The following CSMD1 variants were observed in gnomAD, a reference collection of about 807,000 sequenced individuals.
The protein encoded by CSMD1 is CUB and Sushi multiple domains 1, also known as CUB and sushi domain-containing protein 1.
CSMD1 carries 213 observed loss-of-function variants against 417.5 expected under a neutral mutation model. The ratio of observed to expected loss-of-function variants is 0.51; its 90% CI spans 0.46 to 0.57. CSMD1 has a LOEUF of 0.57. Ranked by LOEUF, CSMD1 falls within the 20% of genes least tolerant of loss-of-function variation. The pLI, the probability that CSMD1 is intolerant of heterozygous loss-of-function variation, is 0.00. For synonymous variants in CSMD1, 2,862 were observed against 1,736.8 expected, an observed-to-expected ratio of 1.65 and a Z score of -16.11; for missense variants, 6,923 against 4,529.7, an observed-to-expected ratio of 1.53 and a Z score of -15.17.
chr8:3,583,298 G>A (rs1213880132), intron 9 of CSMD1, among the ~76,000 whole-genome samples: 1 of 151,842 alleles, frequency 6.6e-6, no homozygotes, highest in Non-Finnish European at 1.5e-5. Context: ...AAGCAAATGT[G>A]GGCACAGCTT....
At chr8:2,999,810 C>A in intron 53 of CSMD1, 148 bp downstream of exon 53, 1 of 611,126 alleles carries the variant, frequency 1.6e-6, no homozygotes, top group Non-Finnish European at 2.7e-6. Flanking sequence ...GGCACCTCTC[C>A]TGTTCTCTTT....
intron 25 of CSMD1, among the ~76,000 whole-genome samples, chr8:3,306,777 C>A (rs1391003356): frequency 6.6e-6 from 1 of 152,080 alleles, no homozygotes; most frequent in East Asian, 1.9e-4. Context: ...TACCTTTTGC[C>A]TTATGTGCTA....
chr8:3,013,820 C>T (rs1488565027), intron 52 of CSMD1, among the ~76,000 whole-genome samples: 1 of 151,860 alleles, frequency 6.6e-6, no homozygotes, highest in Non-Finnish European at 1.5e-5. Context: ...AAATGCATAG[C>T]AATTCCTCAA....
chr8:3,761,003 G>C (rs563151859), intron 5 of CSMD1, among the ~76,000 whole-genome samples: 5 of 151,652 alleles, frequency 3.3e-5, no homozygotes, highest in African/African-American at 7.3e-5. Context: ...CAAATGATTT[G>C]TACTGTGGTG....
At chr8:3,722,766 C>G (rs749331994) in intron 6 of CSMD1, among the ~76,000 whole-genome samples, 30 of 152,278 alleles carry the variant, frequency 2.0e-4, no homozygotes, top group Non-Finnish European at 4.0e-4. Flanking sequence ...TAATGCTAGT[C>G]GTTAGCAGAA....
intron 5 of CSMD1, among the ~76,000 whole-genome samples, chr8:3,908,035 G>A (rs974265448): frequency 3.9e-5 from 6 of 152,176 alleles, no homozygotes; most frequent in African/African-American, 2.4e-5. Context: ...GGACTCCATA[G>A]GTATTTGACC....
intron 2 of CSMD1, among the ~76,000 whole-genome samples, chr8:4,538,346 C>CT (rs907367683): frequency 8.0e-5 from 12 of 150,040 alleles, no homozygotes; most frequent in Non-Finnish European, 1.0e-4. Context: ...TCAGGTCTAA[C>CT]TTTTTTTTTT....
chr8:3,439,487 G>A (rs920662307), intron 12 of CSMD1, among the ~76,000 whole-genome samples: 2 of 100,132 alleles, frequency 2.0e-5, no homozygotes, highest in Non-Finnish European at 2.0e-5. Flanking sequence ...GACTCTGTGT[G>A]TGTATCTGTG....
intron 5 of CSMD1, among the ~76,000 whole-genome samples, chr8:3,772,234 T>C (rs1395611165): frequency 6.9e-6 from 1 of 145,096 alleles, no homozygotes; most frequent in Non-Finnish European, 1.5e-5. Flanking sequence ...CACACACATA[T>C]TTATATATAG....
intron 3 of CSMD1, among the ~76,000 whole-genome samples, chr8:4,342,025 G>A (rs557157998): frequency 6.6e-6 from 1 of 152,212 alleles, no homozygotes; most frequent in Non-Finnish European, 1.5e-5. Context: ...TTGGTCTCAA[G>A]ATACAAATTC....
At chr8:4,380,039 A>T (rs562321173) in intron 3 of CSMD1, among the ~76,000 whole-genome samples, 161 of 152,356 alleles carry the variant, frequency 1.1e-3, no homozygotes, top group African/African-American at 3.8e-3. Flanking sequence ...CCAAGGTATA[A>T]ATTAAATATC....
intron 3 of CSMD1, among the ~76,000 whole-genome samples, chr8:4,140,649 C>T (rs1803730884): frequency 1.3e-5 from 2 of 150,848 alleles, no homozygotes; most frequent in African/African-American, 2.5e-5. Flanking sequence ...GGCTGGGCAA[C>T]AGAGCAAGAC....
intron 63 of CSMD1, 57 bp from the exon 64 acceptor site, chr8:2,955,825 T>A (rs1197677361): frequency 6.7e-7 from 1 of 1,497,134 alleles, no homozygotes; most frequent in African/African-American, 1.4e-5. Context: ...AGCACATGTG[T>A]CTAGAGAAAT....
intron 1 of CSMD1, among the ~76,000 whole-genome samples, chr8:4,976,458 C>A (rs917473909): frequency 8.5e-5 from 13 of 152,086 alleles, no homozygotes; most frequent in African/African-American, 2.9e-4. Flanking sequence ...ACAAAAAATA[C>A]AAAAACTGAC....
intron 11 of CSMD1, among the ~76,000 whole-genome samples, chr8:3,479,107 C>A (rs975596139): frequency 1.3e-5 from 2 of 152,064 alleles, no homozygotes. Context: ...GCACTAAAGG[C>A]ACTGAGCAGA....
At chr8:4,785,217 C>T (rs989805361) in intron 1 of CSMD1, among the ~76,000 whole-genome samples, 1 of 152,096 alleles carries the variant, frequency 6.6e-6, no homozygotes, top group South Asian at 2.1e-4. Flanking sequence ...AAGATTGTAC[C>T]AGCTCATGCC....
At chr8:4,136,747 C>T (rs1487927507) in intron 3 of CSMD1, among the ~76,000 whole-genome samples, 2 of 152,082 alleles carry the variant, frequency 1.3e-5, no homozygotes, top group African/African-American at 2.4e-5. Context: ...GAAAGGTGTG[C>T]ATGTGAATTA....
intron 5 of CSMD1, among the ~76,000 whole-genome samples, chr8:3,941,906 A>G (rs1223786719): frequency 6.6e-6 from 1 of 152,142 alleles, no homozygotes; most frequent in East Asian, 1.9e-4. Flanking sequence ...GAATTGGGCC[A>G]TACAGCAGGA....
chr8:3,909,817 G>A (rs1318297421), intron 5 of CSMD1, among the ~76,000 whole-genome samples: 2 of 152,080 alleles, frequency 1.3e-5, no homozygotes, highest in Admixed American at 6.5e-5. Context: ...AATTTTGCAT[G>A]GTGATTGTAA....
Sources: gnomAD v4.1 joint callset for allele counts (sites outside exome capture counted in the v4.1 genomes callset) on GRCh38, gnomAD v4.1.1 for gene constraint, MANE v1.5 for transcripts, NCBI Gene and HGNC (gene_info 2026-07-23, HGNC 2026-07-21) for gene names.